Variants in FSTL5 observed in about 807,000 individuals in gnomAD.
FSTL5 encodes the protein follistatin like 5, also known as follistatin-related protein 5.
A neutral mutation model predicts 89.1 loss-of-function variants in FSTL5; 62 were observed. The ratio of observed to expected loss-of-function variants is 0.70; its 90% CI spans 0.57 to 0.86. The LOEUF (loss-of-function observed/expected upper bound fraction) is 0.86. FSTL5 is among the 40% of genes least tolerant of loss of function. FSTL5 has a pLI of 0.00. For missense variants in FSTL5, 1,057 were observed against 1,001.6 expected (o/e 1.06, Z -0.75); for synonymous variants, 383 against 346.2 (o/e 1.11, Z -1.18).
intron 6 of FSTL5, among the ~76,000 whole-genome samples, chr4:161,686,321 TATATATATATATATATATATATATA>T (rs1254033932): frequency 6.8e-3 from 33 of 4,830 alleles, no homozygotes; most frequent in African/African-American, 0.019. Flanking sequence ...TATATATATA[TATATATATATATATATATATATATA>T]TTTTTTTTTT....
At chr4:161,460,854 C>T (rs758822570) in intron 13 of FSTL5, among the ~76,000 whole-genome samples, 1 of 151,662 alleles carries the variant, frequency 6.6e-6, no homozygotes, top group Non-Finnish European at 1.5e-5. Context: ...GCAAGCACCA[C>T]AGATCCAAGG....
At chr4:161,873,524 C>A (rs375481012) in intron 4 of FSTL5, among the ~76,000 whole-genome samples, 1 of 147,446 alleles carries the variant, frequency 6.8e-6, no homozygotes, top group Non-Finnish European at 1.5e-5. Flanking sequence ...TTCCTCCCAC[C>A]CTCCCTCCAT....
At chr4:161,488,008 T>C (rs1729738849) in intron 12 of FSTL5, among the ~76,000 whole-genome samples, 2 of 152,018 alleles carry the variant, frequency 1.3e-5, no homozygotes, top group Non-Finnish European at 2.9e-5. Context: ...ATATGCTAGA[T>C]ATAAAGTTCC....
At chr4:162,120,251 T>C (rs368980089) in intron 1 of FSTL5, among the ~76,000 whole-genome samples, 2 of 152,114 alleles carry the variant, frequency 1.3e-5, no homozygotes, top group East Asian at 3.9e-4. Context: ...TATTCACTCT[T>C]AGTTCCATTA....
intron 6 of FSTL5, among the ~76,000 whole-genome samples, chr4:161,707,654 A>G (rs1312757069): frequency 6.6e-6 from 1 of 151,884 alleles, no homozygotes; most frequent in East Asian, 1.9e-4. Context: ...TGCCAAATGT[A>G]TTGATATACA....
chr4:162,033,329 CGTA>C (rs1187024181), intron 3 of FSTL5, among the ~76,000 whole-genome samples: 1 of 152,066 alleles, frequency 6.6e-6, no homozygotes, highest in African/African-American at 2.4e-5. Context: ...AACACCAACT[CGTA>C]GGGACAATGG....
chr4:162,160,431 ACT>A (rs1733650227), intron 1 of FSTL5, among the ~76,000 whole-genome samples: 1 of 151,754 alleles, frequency 6.6e-6, no homozygotes, highest in Admixed American at 6.6e-5. Flanking sequence ...AAGGTGATTA[ACT>A]CTGTTTGGTA....
At chr4:161,691,502 G>T (rs1737942209) in intron 6 of FSTL5, among the ~76,000 whole-genome samples, 1 of 151,984 alleles carries the variant, frequency 6.6e-6, no homozygotes, top group African/African-American at 2.4e-5. Flanking sequence ...CATTATTTTG[G>T]TTATTGGTGG....
chr4:161,390,362 G>A (rs1200268528), intron 15 of FSTL5, among the ~76,000 whole-genome samples: 3 of 152,138 alleles, frequency 2.0e-5, no homozygotes, highest in East Asian at 1.9e-4. Context: ...AGCAATTCAG[G>A]AGACTTGTAA....
intron 1 of FSTL5, among the ~76,000 whole-genome samples, chr4:162,138,795 G>C (rs944640448): frequency 6.6e-6 from 1 of 151,992 alleles, no homozygotes; most frequent in Non-Finnish European, 1.5e-5. Context: ...AGAGAAATCT[G>C]ACATGCAACA....
At chr4:161,847,239 G>T (rs1731399402) in intron 4 of FSTL5, among the ~76,000 whole-genome samples, 1 of 152,034 alleles carries the variant, frequency 6.6e-6, no homozygotes, top group Admixed American at 6.5e-5. Context: ...GTTTTATAAA[G>T]GATCATTACA....
At chr4:161,520,695 T>C (rs1202970196) in intron 10 of FSTL5, among the ~76,000 whole-genome samples, 1 of 152,178 alleles carries the variant, frequency 6.6e-6, no homozygotes, top group East Asian at 1.9e-4. Flanking sequence ...ATCTTAGTTC[T>C]TGAAAAGGTT....
intron 4 of FSTL5, among the ~76,000 whole-genome samples, chr4:161,856,128 TC>T (rs1731712934): frequency 6.6e-6 from 1 of 152,066 alleles, no homozygotes; most frequent in Non-Finnish European, 1.5e-5. Context: ...AAGAATGTAA[TC>T]TTTTGAGGTT....
chr4:162,045,740 A>G (rs1210492459), intron 2 of FSTL5, among the ~76,000 whole-genome samples: 1 of 152,196 alleles, frequency 6.6e-6, no homozygotes, highest in Non-Finnish European at 1.5e-5. Flanking sequence ...CAGATAAGGT[A>G]CAGTATAAAG....
intron 2 of FSTL5, among the ~76,000 whole-genome samples, chr4:162,090,670 A>C (rs190429038): frequency 8.2e-4 from 124 of 152,062 alleles, no homozygotes; most frequent in African/African-American, 2.7e-3. Flanking sequence ...AAAATACAAA[A>C]ATTAGCTGGG....
intron 4 of FSTL5, among the ~76,000 whole-genome samples, chr4:161,820,658 T>C (rs1730461432): frequency 6.6e-6 from 1 of 152,128 alleles, no homozygotes; most frequent in Non-Finnish European, 1.5e-5. Flanking sequence ...GAGGTGATTC[T>C]CAATGCTCAT....
chr4:161,833,783 G>A (rs1730933044), intron 4 of FSTL5, among the ~76,000 whole-genome samples: 1 of 151,612 alleles, frequency 6.6e-6, no homozygotes, highest in Non-Finnish European at 1.5e-5. Flanking sequence ...GTCTCTGCAT[G>A]GGAGATGGGT....
At chr4:161,997,193 T>G (rs1350623333) in intron 3 of FSTL5, among the ~76,000 whole-genome samples, 2 of 152,214 alleles carry the variant, frequency 1.3e-5, no homozygotes, top group Non-Finnish European at 2.9e-5. Flanking sequence ...GACAAATAAA[T>G]ACATCTAGAC....
At chr4:162,099,347 C>T (rs1215295017) in intron 2 of FSTL5, among the ~76,000 whole-genome samples, 1 of 151,988 alleles carries the variant, frequency 6.6e-6, no homozygotes, top group African/African-American at 2.4e-5. Flanking sequence ...AAATTATCAG[C>T]ATTAATTTAA....
Sources: gnomAD v4.1 joint callset for allele counts (sites outside exome capture counted in the v4.1 genomes callset) on GRCh38, gnomAD v4.1.1 for gene constraint, MANE v1.5 for transcripts, NCBI Gene and HGNC (gene_info 2026-07-23, HGNC 2026-07-21) for gene names.